Variants in GLYR1 observed in about 807,000 individuals in gnomAD.
GLYR1 encodes glyoxylate reductase 1 homolog, also known as cytokine-like nuclear factor N-PAC.
Under a neutral mutation model 72.7 loss-of-function variants are expected in GLYR1, and 21 were observed. The observed-to-expected ratio is 0.29, with a 90% CI of 0.20 to 0.42. The LOEUF (loss-of-function observed/expected upper bound fraction) is 0.42, where lower values mean the gene tolerates loss of function less well. Ranked by LOEUF, GLYR1 falls within the 10% of genes least tolerant of loss-of-function variation. GLYR1 has a pLI of 1.00. For synonymous variants in GLYR1, 392 were observed against 270.2 expected, an observed-to-expected ratio of 1.45 and a Z score of -4.42; for missense variants, 594 against 712.1, an observed-to-expected ratio of 0.83 and a Z score of 1.89.
chr16:4,805,352 G>T (rs1212986633), intron 15 of GLYR1, 42 bp from the exon 16 acceptor site: 2 of 1,551,398 alleles, frequency 1.3e-6, no homozygotes, highest in East Asian at 4.5e-5. Context: ...CCCCAGAGCT[G>T]CCTTCAAGAC....
intron 2 of GLYR1, among the ~76,000 whole-genome samples, chr16:4,845,807 A>G (rs1287009648): frequency 2.0e-5 from 3 of 152,242 alleles, no homozygotes; most frequent in African/African-American, 4.8e-5. Context: ...CTTAGTTGGG[A>G]CAAAAATACT....
chr16:4,824,374 C>A (rs1279784249), intron 5 of GLYR1, among the ~76,000 whole-genome samples: 2 of 151,838 alleles, frequency 1.3e-5, no homozygotes, highest in Admixed American at 1.3e-4. Flanking sequence ...ATTAGCTGCA[C>A]CTGTACTCCC....
chr16:4,811,412 G>T, intron 14 of GLYR1, 118 bp from the exon 15 acceptor site: 1 of 1,389,822 alleles, frequency 7.2e-7, no homozygotes, highest in Non-Finnish European at 9.9e-7. Context: ...CATAGCCTAG[G>T]CCTCTTGGCT....
chr16:4,835,930 A>T (rs1158706000), intron 3 of GLYR1, among the ~76,000 whole-genome samples: 1 of 151,908 alleles, frequency 6.6e-6, no homozygotes, highest in Non-Finnish European at 1.5e-5. Flanking sequence ...TCTGAATACA[A>T]TTTTTTCTCT....
rs1440952423 is a variant in GLYR1 at position 4,835,935 on chromosome 16, T to C, written c.156-3023A>G. Among the ~76,000 whole-genome samples, 7 of 152,310 alleles carry C rather than the reference T, an allele frequency of 4.6e-5. No homozygotes were observed. The East Asian group carries it at 1.2e-3, about 25-fold the overall frequency. On this transcript the variant is annotated intron_variant, in intron 3 of 15. Transcript: ENST00000321919. ...ACTTTGGCTATCTGAATACAATTTTTTCTCTAAAGGTTACACTTCTTTCAT... is the reference window on the plus strand; with the variant it reads ...ACTTTGGCTATCTGAATACAATTTTCTCTCTAAAGGTTACACTTCTTTCAT...
chr16:4,846,807 G>A (rs1194672794), intron 1 of GLYR1: 2 of 268,358 alleles, frequency 7.5e-6, no homozygotes, highest in Non-Finnish European at 1.4e-5. Flanking sequence ...GCACAGGTCG[G>A]CTGCATCGCA....
chr16:4,846,591 T>A, intron 1 of GLYR1: 1 of 275,904 alleles, frequency 3.6e-6, no homozygotes, highest in Non-Finnish European at 7.2e-6. Context: ...TTCCTCTGGG[T>A]GGAGAAACAA....
At chr16:4,825,901 C>T (rs1012484961) in intron 5 of GLYR1, among the ~76,000 whole-genome samples, 39 of 152,210 alleles carry the variant, frequency 2.6e-4, no homozygotes, top group African/African-American at 9.4e-4. Flanking sequence ...ATCCGCCCGC[C>T]TCGGCCTCCC....
At chr16:4,823,964 T>A (rs1461074418) in intron 5 of GLYR1, 57 bp from the exon 6 acceptor site, 1 of 1,379,034 alleles carries the variant, frequency 7.3e-7, no homozygotes. Context: ...ACAAAACCCC[T>A]TGCAAGCTCC....
intron 7 of GLYR1, among the ~76,000 whole-genome samples, chr16:4,822,389 T>C (rs370342094): frequency 1.4e-4 from 21 of 151,380 alleles, no homozygotes; most frequent in African/African-American, 5.1e-4. Flanking sequence ...GCCCGGCCTT[T>C]GGGTTTATTT....
chr16:4,812,293 C>T lies in GLYR1; in HGVS notation c.1120-45G>A, dbSNP rs201029275. 389 of 1,582,262 alleles carry T rather than the reference C, an allele frequency of 2.5e-4. 2 individuals are homozygous for T. The East Asian group carries it at 5.5e-3, about 22-fold the overall frequency. The stretch of plus-strand genomic sequence containing the variant: ...CTTCTGGAGGCCTCCCCTCTCCCAG[C>T]GCTCTCTGGGCAGGACTCAAGGAGT... On this transcript the variant is annotated intron_variant, in intron 12 of 15. Transcript: ENST00000321919.
At position 4,808,280 on chromosome 16, in the gene GLYR1, TAC is replaced by T. The variant is rs200864067; in HGVS notation, c.1587+2888_1587+2889del. Among the ~76,000 whole-genome samples the T allele has an allele frequency of 4.1e-3, 602 of 146,996 alleles. 13 individuals carry two copies. The East Asian group carries it at 0.075, about 18-fold the overall frequency. On this transcript the variant is annotated intron_variant, in intron 15 of 15. Transcript: ENST00000321919. ...AATACAATTCAGGAACAGAGAATTA[TAC>T]TATGAAAAGCCAGGTGTCAAAAGAA...
At chr16:4,811,409 T>A in intron 14 of GLYR1, 115 bp from the exon 15 acceptor site, 2 of 1,418,072 alleles carry the variant, frequency 1.4e-6, no homozygotes, top group Non-Finnish European at 1.9e-6. Context: ...CCACATAGCC[T>A]AGGCCTCTTG....
At chr16:4,842,488 T>G (rs946322565) in intron 3 of GLYR1, among the ~76,000 whole-genome samples, 1 of 152,054 alleles carries the variant, frequency 6.6e-6, no homozygotes, top group Non-Finnish European at 1.5e-5. Context: ...TACCTGGGAC[T>G]ACACTTGTGT....
At chr16:4,806,008 CAAAT>C (rs755299966) in intron 15 of GLYR1, among the ~76,000 whole-genome samples, 5 of 151,984 alleles carry the variant, frequency 3.3e-5, no homozygotes, top group African/African-American at 1.2e-4. Flanking sequence ...AAAACTGTCT[CAAAT>C]AAATAAATAA....
intron 12 of GLYR1, 136 bp from the exon 13 acceptor site, chr16:4,812,384 G>T: frequency 1.1e-6 from 1 of 882,206 alleles, no homozygotes; most frequent in Non-Finnish European, 1.7e-6. Flanking sequence ...CCATACCAAG[G>T]TCCTTTAGCT....
intron 9 of GLYR1, among the ~76,000 whole-genome samples, chr16:4,820,369 G>A (rs2083932608): frequency 1.3e-5 from 2 of 152,150 alleles, no homozygotes; most frequent in Non-Finnish European, 2.9e-5. Context: ...GATTAAGGTG[G>A]GTTGGGCAAC....
chr16:4,842,269 A>AAAC (rs1567818922), intron 3 of GLYR1, among the ~76,000 whole-genome samples: 8 of 151,882 alleles, frequency 5.3e-5, no homozygotes, highest in African/African-American at 1.7e-4. Flanking sequence ...ACAACAAAAA[A>AAAC]AAACAAACAG....
At chr16:4,817,052 T>A (rs2083685178) in intron 10 of GLYR1, among the ~76,000 whole-genome samples, 2 of 151,418 alleles carry the variant, frequency 1.3e-5, no homozygotes, top group Non-Finnish European at 2.9e-5. Flanking sequence ...CAAGTTATTC[T>A]CCTGCCTCAG....
Sources: gnomAD v4.1 joint callset for allele counts (sites outside exome capture counted in the v4.1 genomes callset) on GRCh38, gnomAD v4.1.1 for gene constraint, MANE v1.5 for transcripts, NCBI Gene and HGNC (gene_info 2026-07-23, HGNC 2026-07-21) for gene names.